The following SPATA17 variants were observed in gnomAD, a reference collection of about 807,000 sequenced individuals.
SPATA17 encodes spermatogenesis associated 17, also known as spermatogenesis-associated protein 17.
Under a neutral mutation model 62.2 loss-of-function variants are expected in SPATA17, and 53 were observed. The observed-to-expected ratio is 0.85, with a 90% CI of 0.68 to 1.07. The LOEUF (loss-of-function observed/expected upper bound fraction) is 1.07. SPATA17 is among the 50% of genes least tolerant of loss of function. The pLI is 0.00. For missense variants in SPATA17, 466 were observed against 425.5 expected (o/e 1.10, Z -0.84); for synonymous variants, 146 against 146.8 (o/e 0.99, Z 0.04).
At chr1:217,711,154 A>G (rs1439307371) in intron 5 of SPATA17, among the ~76,000 whole-genome samples, 2 of 152,006 alleles carry the variant, frequency 1.3e-5, no homozygotes, top group Non-Finnish European at 2.9e-5. Flanking sequence ...TTTAATTTTT[A>G]TTTTTGGTTC....
chr1:217,750,624 A>G (rs1176211334), intron 6 of SPATA17, among the ~76,000 whole-genome samples: 1 of 152,210 alleles, frequency 6.6e-6, no homozygotes, highest in African/African-American at 2.4e-5. Context: ...AGATAGAGTT[A>G]TGGATGTATG....
At chr1:217,704,177 T>A (rs1260625381) in intron 5 of SPATA17, among the ~76,000 whole-genome samples, 1 of 147,576 alleles carries the variant, frequency 6.8e-6, no homozygotes, top group Non-Finnish European at 1.5e-5. Flanking sequence ...AGATGATAAG[T>A]ATAGCACCCA....
chr1:217,703,088 A>T (rs990403131), intron 5 of SPATA17, among the ~76,000 whole-genome samples: 1 of 150,644 alleles, frequency 6.6e-6, no homozygotes. Context: ...GTTGGCCAGG[A>T]TGGTCTCAAA....
chr1:217,654,666 A>G (rs1272674095), intron 3 of SPATA17, among the ~76,000 whole-genome samples: 2 of 151,634 alleles, frequency 1.3e-5, no homozygotes, highest in African/African-American at 4.8e-5. Context: ...AAGTTACAGA[A>G]GTTATGCCCC....
chr1:217,792,427 C>T (rs765246422), intron 8 of SPATA17, among the ~76,000 whole-genome samples: 1 of 152,174 alleles, frequency 6.6e-6, no homozygotes, highest in African/African-American at 2.4e-5. Flanking sequence ...CTTCTAGTGG[C>T]ATCTCTTCCT....
intron 5 of SPATA17, among the ~76,000 whole-genome samples, chr1:217,741,566 C>T (rs1394351567): frequency 1.3e-5 from 2 of 151,930 alleles, no homozygotes; most frequent in Non-Finnish European, 2.9e-5. Flanking sequence ...AGTTAGTAGG[C>T]AAAATAAATG....
chr1:217,637,097 G>T (rs1669959733), intron 1 of SPATA17, among the ~76,000 whole-genome samples: 1 of 152,148 alleles, frequency 6.6e-6, no homozygotes. Context: ...CTGAAAGGGG[G>T]CTTGAGGAGT....
intron 9 of SPATA17, among the ~76,000 whole-genome samples, chr1:217,854,287 G>A (rs1386023580): frequency 6.6e-6 from 1 of 152,072 alleles, no homozygotes; most frequent in Admixed American, 6.6e-5. Flanking sequence ...AAAACACTGC[G>A]AATATTGATT....
Position 217,731,428 on chromosome 1 carries a change from G to A in SPATA17, c.396-10547G>A, listed in dbSNP as rs118154978. On this transcript the variant is annotated intron_variant, in intron 5 of 10. Transcript: ENST00000366933. ...CCCCAAACCTCTTCCTCTTTCTATG[G>A]TAAATTGAACCATTCTTCATGTAGG... Among the ~76,000 whole-genome samples, 154 of 152,168 alleles carry A rather than the reference G, an allele frequency of 1.0e-3. 3 individuals are homozygous for A. The East Asian group carries it at 0.026, about 26-fold the overall frequency.
intron 9 of SPATA17, among the ~76,000 whole-genome samples, chr1:217,861,272 C>T (rs926836206): frequency 3.3e-5 from 5 of 151,658 alleles, no homozygotes; most frequent in African/African-American, 7.3e-5. Context: ...TATTCCTTCT[C>T]TTTATTTCTT....
intron 9 of SPATA17, among the ~76,000 whole-genome samples, chr1:217,828,568 A>T (rs1022986748): frequency 6.7e-6 from 1 of 150,176 alleles, no homozygotes; most frequent in Non-Finnish European, 1.5e-5. Flanking sequence ...AAACAAAAAT[A>T]AATAAAATGG....
At position 217,732,791 on chromosome 1, in the gene SPATA17, A is replaced by G. The variant is rs565222034; in HGVS notation, c.396-9184A>G. Among the ~76,000 whole-genome samples the G allele has an allele frequency of 1.1e-3, 171 of 152,186 alleles. 1 individual carries two copies. The highest frequency in any genetic ancestry group is 2.2e-3 in the Non-Finnish European group (147 of 68,044). ...TATCTGAAAGCATTTGGAGCCCTGA[A>G]AATAATGTACCATATAAATATATTT... is the stretch of plus-strand genomic sequence containing the variant. On this transcript the variant is annotated intron_variant, in intron 5 of 10. Coordinates refer to ENST00000366933, the MANE Select transcript of SPATA17 (RefSeq NM_138796.4).
At chr1:217,792,030 G>A (rs1374467821) in intron 8 of SPATA17, among the ~76,000 whole-genome samples, 1 of 151,886 alleles carries the variant, frequency 6.6e-6, no homozygotes, top group Non-Finnish European at 1.5e-5. Context: ...AATTGTCTTG[G>A]GCCACACATA....
At chr1:217,641,746 G>A (rs1670068316) in intron 1 of SPATA17, among the ~76,000 whole-genome samples, 1 of 151,996 alleles carries the variant, frequency 6.6e-6, no homozygotes, top group South Asian at 2.1e-4. Context: ...GTCCCATTGT[G>A]CCCCAAATTC....
chr1:217,661,379 CT>C (rs1670565168), intron 3 of SPATA17, among the ~76,000 whole-genome samples: 3 of 151,922 alleles, frequency 2.0e-5, no homozygotes, highest in African/African-American at 7.3e-5. Flanking sequence ...TCTGGGATCT[CT>C]TTAGTGAGGA....
intron 9 of SPATA17, among the ~76,000 whole-genome samples, chr1:217,855,547 A>G (rs1675761405): frequency 6.6e-6 from 1 of 152,056 alleles, no homozygotes; most frequent in South Asian, 2.1e-4. Context: ...ACATATCTTT[A>G]TATCTTGTAT....
At chr1:217,719,953 G>A (rs542944469) in intron 5 of SPATA17, among the ~76,000 whole-genome samples, 112 of 152,328 alleles carry the variant, frequency 7.4e-4, no homozygotes, top group Non-Finnish European at 1.4e-3. Context: ...GTGCAGATGG[G>A]CTGGAATCGA....
chr1:217,862,946 A>T (rs1179576903), intron 10 of SPATA17, 90 bp downstream of exon 10: 1 of 733,576 alleles, frequency 1.4e-6, no homozygotes, highest in African/African-American at 1.8e-5. Flanking sequence ...CAAGCATTTT[A>T]AAAACCATGC....
At chr1:217,779,414 G>A (rs1311758557) in intron 7 of SPATA17, among the ~76,000 whole-genome samples, 4 of 151,018 alleles carry the variant, frequency 2.6e-5, no homozygotes, top group Non-Finnish European at 5.9e-5. Flanking sequence ...CTCTTTCAGT[G>A]TTTTTTCTTT....
Sources: allele counts gnomAD v4.1 joint callset (sites outside exome capture counted in the v4.1 genomes callset), GRCh38; gene constraint gnomAD v4.1.1; transcripts MANE v1.5; gene names NCBI Gene and HGNC (gene_info 2026-07-23, HGNC 2026-07-21).